The following NOS1AP variants were observed in gnomAD, a reference collection of about 807,000 sequenced individuals.
NOS1AP encodes carboxyl-terminal PDZ ligand of neuronal nitric oxide synthase protein.
NOS1AP carries 21 observed loss-of-function variants against 56.2 expected under a neutral mutation model. That is an observed-to-expected ratio of 0.37 (90% CI 0.26 to 0.54). The LOEUF (loss-of-function observed/expected upper bound fraction) is 0.54. NOS1AP is among the 20% of genes least tolerant of loss of function. NOS1AP has a pLI of 0.84. For missense variants in NOS1AP, 522 were observed against 657.8 expected (o/e 0.79, Z 2.26); for synonymous variants, 270 against 274.6 (o/e 0.98, Z 0.17).
intron 9 of NOS1AP, among the ~76,000 whole-genome samples, chr1:162,366,084 G>T (rs550248105): frequency 1.3e-5 from 2 of 152,300 alleles, no homozygotes; most frequent in South Asian, 2.1e-4. Context: ...TGGCTGCACT[G>T]CTCTGCTGGG....
intron 5 of NOS1AP, among the ~76,000 whole-genome samples, chr1:162,343,021 C>T (rs1301144221): frequency 7.2e-5 from 11 of 152,184 alleles, no homozygotes; most frequent in Admixed American, 7.2e-4. Flanking sequence ...CTGACATCTT[C>T]AAACCATAAT....
intron 1 of NOS1AP, among the ~76,000 whole-genome samples, chr1:162,087,747 C>T (rs1282629113): frequency 6.6e-6 from 1 of 152,154 alleles, no homozygotes; most frequent in African/African-American, 2.4e-5. Flanking sequence ...TACTGGTTGA[C>T]AGATCAATTA....
rs757049591 is a variant in NOS1AP, at chr1:162,204,154, A to C, written c.177+49678A>C. 3.3e-5 allele frequency among the ~76,000 whole-genome samples: 5 copies of C among 152,240 alleles called. No homozygotes were observed. The East Asian group carries it at 9.6e-4, about 29-fold the overall frequency. ...CTGGGGACAATACAAACTCCTTTAC[A>C]TAGCCCAAAAGGGCACAAGCAAATG... On this transcript the variant is annotated intron_variant, in intron 2 of 9. Transcript: ENST00000361897.
intron 1 of NOS1AP, among the ~76,000 whole-genome samples, chr1:162,099,170 C>T (rs7417931): frequency 0.51 from 76,494 of 151,040 alleles, 21,542 homozygotes; most frequent in Non-Finnish European, 0.64. Flanking sequence ...ACCTTGCCAG[C>T]GTCTGTTACT....
chr1:162,202,979 T>C (rs1652044656), intron 2 of NOS1AP, among the ~76,000 whole-genome samples: 1 of 152,084 alleles, frequency 6.6e-6, no homozygotes, highest in Non-Finnish European at 1.5e-5. Flanking sequence ...GAGCCACTGT[T>C]TTTGGCAGCC....
chr1:162,087,501 A>G (rs1692029281), intron 1 of NOS1AP, among the ~76,000 whole-genome samples: 2 of 152,164 alleles, frequency 1.3e-5, no homozygotes, highest in South Asian at 2.1e-4. Context: ...TGCAATGCCA[A>G]TCCCATCCTT....
chr1:162,196,386 T>C (rs904119911), intron 2 of NOS1AP, among the ~76,000 whole-genome samples: 1 of 152,244 alleles, frequency 6.6e-6, no homozygotes, highest in South Asian at 2.1e-4. Flanking sequence ...CTGTAATCTA[T>C]TGATTCATAC....
At position 162,070,340 on chromosome 1, in the gene NOS1AP, G is replaced by A. The variant is rs1691635105; in HGVS notation, c.105+58G>A. 7 of 1,441,492 alleles carry A rather than the reference G, an allele frequency of 4.9e-6. No homozygotes were observed. In the South Asian group the frequency reaches 6.9e-5, roughly 14 times the overall value. The allele number at this position is 1,441,492 out of a possible 1,614,324, so 89.3% of individuals were successfully genotyped here. A position where few individuals can be genotyped will look rare whatever the true frequency, so the allele number is the denominator to read the frequency against. On this transcript the variant is annotated intron_variant, in intron 1 of 9. Coordinates refer to ENST00000361897, the MANE Select transcript of NOS1AP (RefSeq NM_014697.3). ...GTGGCGGTTGGGGGGGCATGTTTGA[G>A]CGGATGGGATGCACAGCCGTCCTGG...
intron 1 of NOS1AP, among the ~76,000 whole-genome samples, chr1:162,119,483 C>T (rs1040426551): frequency 2.0e-5 from 3 of 152,072 alleles, no homozygotes; most frequent in African/African-American, 4.8e-5. Flanking sequence ...GGGTTTACTC[C>T]GCATTCTATA....
intron 1 of NOS1AP, among the ~76,000 whole-genome samples, chr1:162,127,868 G>T (rs144359609): frequency 1.3e-5 from 2 of 152,140 alleles, no homozygotes; most frequent in South Asian, 4.1e-4. Flanking sequence ...ATGAGATTTC[G>T]TGGGGACATA....
intron 1 of NOS1AP, among the ~76,000 whole-genome samples, chr1:162,087,500 A>G (rs896803341): frequency 4.5e-4 from 69 of 152,302 alleles, no homozygotes; most frequent in African/African-American, 1.6e-3. Flanking sequence ...CTGCAATGCC[A>G]ATCCCATCCT....
At chr1:162,125,515 C>G (rs1403299173) in intron 1 of NOS1AP, among the ~76,000 whole-genome samples, 1 of 152,094 alleles carries the variant, frequency 6.6e-6, no homozygotes, top group Non-Finnish European at 1.5e-5. Flanking sequence ...TTCTCAGCAT[C>G]ATTTGTTGAA....
At chr1:162,266,056 T>C (rs574533366) in intron 2 of NOS1AP, among the ~76,000 whole-genome samples, 2 of 152,282 alleles carry the variant, frequency 1.3e-5, no homozygotes, top group African/African-American at 2.4e-5. Context: ...TTCAGGTGTT[T>C]AGGAGCTGCC....
intron 2 of NOS1AP, among the ~76,000 whole-genome samples, chr1:162,233,245 C>T (rs1225496819): frequency 6.6e-6 from 1 of 152,130 alleles, no homozygotes; most frequent in Non-Finnish European, 1.5e-5. Flanking sequence ...CCTGGTGTTG[C>T]TCATCCTCAT....
intron 2 of NOS1AP, among the ~76,000 whole-genome samples, chr1:162,185,532 G>A (rs1207244767): frequency 6.6e-6 from 1 of 152,206 alleles, no homozygotes; most frequent in Admixed American, 6.5e-5. Context: ...GGACTGGAAT[G>A]TGAGGAGACT....
chr1:162,073,295 G>A (rs1691696643), intron 1 of NOS1AP, among the ~76,000 whole-genome samples: 2 of 152,038 alleles, frequency 1.3e-5, no homozygotes, highest in African/African-American at 4.8e-5. Flanking sequence ...TTTAAGCCTG[G>A]GGCTTTGACT....
intron 2 of NOS1AP, among the ~76,000 whole-genome samples, chr1:162,160,553 C>T (rs527325268): frequency 1.3e-5 from 2 of 152,266 alleles, no homozygotes; most frequent in South Asian, 2.1e-4. Context: ...ACCAGCAGTA[C>T]GCTTCGGCAC....
chr1:162,171,996 G>T (rs777689370), intron 2 of NOS1AP, among the ~76,000 whole-genome samples: 7 of 152,204 alleles, frequency 4.6e-5, no homozygotes, highest in Non-Finnish European at 8.8e-5. Context: ...GCAGCCCCAA[G>T]GTTGGGGCTT....
At chr1:162,137,017 A>G (rs1311396932) in intron 1 of NOS1AP, among the ~76,000 whole-genome samples, 1 of 152,162 alleles carries the variant, frequency 6.6e-6, no homozygotes, top group Non-Finnish European at 1.5e-5. Context: ...ATCCTCGTCA[A>G]CTTGGTACTT....
Sources: allele counts gnomAD v4.1 joint callset (sites outside exome capture counted in the v4.1 genomes callset), GRCh38; gene constraint gnomAD v4.1.1; transcripts MANE v1.5; gene names NCBI Gene and HGNC (gene_info 2026-07-23, HGNC 2026-07-21).